Variants in DENND1B observed in about 807,000 individuals in gnomAD.
DENND1B encodes DENN domain-containing protein 1B.
DENND1B carries 59 observed loss-of-function variants against 90.1 expected under a neutral mutation model. The ratio of observed to expected loss-of-function variants is 0.65; its 90% CI spans 0.53 to 0.81. DENND1B has a LOEUF of 0.81. Among genes scored for constraint, DENND1B ranks in the 40% least tolerant of loss-of-function variants. The pLI is 0.00. For missense variants in DENND1B, 862 were observed against 912.6 expected (o/e 0.94, Z 0.71); for synonymous variants, 337 against 324.6 (o/e 1.04, Z -0.41).
At chr1:197,747,831 C>A (rs1484360172) in intron 2 of DENND1B, among the ~76,000 whole-genome samples, 1 of 152,230 alleles carries the variant, frequency 6.6e-6, no homozygotes, top group African/African-American at 2.4e-5. Flanking sequence ...ATTCACACCC[C>A]ACTCCTGTGA....
At chr1:197,704,986 T>A (rs1659386115) in intron 3 of DENND1B, among the ~76,000 whole-genome samples, 1 of 152,156 alleles carries the variant, frequency 6.6e-6, no homozygotes, top group South Asian at 2.1e-4. Context: ...TATAATACTA[T>A]CTCCTATTAG....
chr1:197,519,843 T>C (rs932854376), intron 20 of DENND1B, among the ~76,000 whole-genome samples: 3 of 151,844 alleles, frequency 2.0e-5, no homozygotes, highest in African/African-American at 7.3e-5. Flanking sequence ...GGGGCTTATG[T>C]TGGTACATGG....
chr1:197,595,357 A>G, intron 13 of DENND1B, 24 bp from the exon 14 acceptor site: 1 of 1,609,534 alleles, frequency 6.2e-7, no homozygotes, highest in Non-Finnish European at 8.5e-7. Flanking sequence ...AGGAACAGTT[A>G]AATTAACACC....
chr1:197,645,017 TA>T lies in DENND1B; in HGVS notation c.561+672del, dbSNP rs200715650. On this transcript the variant is annotated intron_variant, in intron 9 of 22. Transcript: ENST00000620048. ...ATAGTTATCCAAAATCATAAAAGCA[TA>T]TTTGTTACTTCTACTTGTCTATGTA... 8.4e-3 allele frequency among the ~76,000 whole-genome samples: 1,280 copies of T among 152,258 alleles called. 19 individuals carry two copies. Among genetic ancestry groups the T allele is most frequent in the African/African-American group, 0.028 (1,176 of 41,540 alleles).
intron 15 of DENND1B, among the ~76,000 whole-genome samples, chr1:197,572,463 C>T (rs950223968): frequency 7.2e-5 from 11 of 152,242 alleles, no homozygotes; most frequent in African/African-American, 2.4e-4. Context: ...CCTACTGCCT[C>T]TATAGACTCC....
intron 7 of DENND1B, among the ~76,000 whole-genome samples, chr1:197,649,292 G>C (rs937498028): frequency 6.6e-6 from 1 of 152,156 alleles, no homozygotes; most frequent in East Asian, 1.9e-4. Flanking sequence ...AGCTACGAAA[G>C]GTTTTCAGCA....
intron 15 of DENND1B, among the ~76,000 whole-genome samples, chr1:197,557,432 C>T (rs1000314853): frequency 1.3e-5 from 2 of 151,730 alleles, no homozygotes; most frequent in African/African-American, 2.4e-5. Context: ...GTCTAAAAAG[C>T]GATAAATCCC....
chr1:197,643,348 G>C (rs754686395), intron 9 of DENND1B, among the ~76,000 whole-genome samples: 10 of 152,006 alleles, frequency 6.6e-5, no homozygotes, highest in Non-Finnish European at 8.8e-5. Flanking sequence ...AGAGAGATGG[G>C]GTTTCACCAT....
intron 13 of DENND1B, 135 bp from the exon 14 acceptor site, chr1:197,595,468 T>C (rs1675601795): frequency 9.0e-7 from 1 of 1,112,468 alleles, no homozygotes. Context: ...GCTTATCTTT[T>C]TAACTGCAGA....
intron 14 of DENND1B, among the ~76,000 whole-genome samples, chr1:197,591,848 C>T (rs1048054575): frequency 1.3e-5 from 2 of 151,980 alleles, no homozygotes; most frequent in Non-Finnish European, 2.9e-5. Flanking sequence ...CGGTAGCTCA[C>T]GCCTGTAATC....
intron 5 of DENND1B, among the ~76,000 whole-genome samples, chr1:197,668,302 C>A (rs1655145304): frequency 6.6e-6 from 1 of 151,406 alleles, no homozygotes; most frequent in African/African-American, 2.4e-5. Context: ...ATGTGCCAGG[C>A]ACTATTGTAG....
At chr1:197,721,455 T>C (rs1402110159) in intron 2 of DENND1B, among the ~76,000 whole-genome samples, 1 of 152,080 alleles carries the variant, frequency 6.6e-6, no homozygotes, top group Non-Finnish European at 1.5e-5. Flanking sequence ...GCATGGACTA[T>C]GTATCTCTCA....
At chr1:197,530,714 A>C (rs1462247274) in intron 20 of DENND1B, among the ~76,000 whole-genome samples, 1 of 152,204 alleles carries the variant, frequency 6.6e-6, no homozygotes, top group Admixed American at 6.5e-5. Context: ...ATGATATGGT[A>C]ACCATAAACA....
intron 3 of DENND1B, among the ~76,000 whole-genome samples, chr1:197,695,277 C>T (rs1658314766): frequency 6.6e-6 from 1 of 150,796 alleles, no homozygotes; most frequent in African/African-American, 2.4e-5. Flanking sequence ...TCTGATTCAT[C>T]TTTTTTAGTC....
intron 3 of DENND1B, among the ~76,000 whole-genome samples, chr1:197,697,252 A>AT (rs891715747): frequency 1.6e-3 from 237 of 150,850 alleles, no homozygotes; most frequent in African/African-American, 5.4e-3. Context: ...ATAGCAGGGG[A>AT]TTTTTTTTTA....
Position 197,546,714 on chromosome 1 carries a change from T to C in DENND1B, c.1281+19A>G, listed in dbSNP as rs1456682865. Reference sequence around the variant, plus strand: ...TTTATATTAGAGTGAAAGAATAACATTTGAAAGCTTATGATTACCTTGACT... The same window carrying C: ...TTTATATTAGAGTGAAAGAATAACACTTGAAAGCTTATGATTACCTTGACT... On this transcript the variant is annotated intron_variant, in intron 17 of 22. Transcript: ENST00000620048. 3 of 1,540,260 alleles carry C rather than the reference T, an allele frequency of 1.9e-6. No homozygotes were observed. Among genetic ancestry groups the C allele is most frequent in the Non-Finnish European group, 1.7e-6 (2 of 1,142,926 alleles).
intron 13 of DENND1B, among the ~76,000 whole-genome samples, chr1:197,601,420 T>C (rs1052495238): frequency 6.6e-6 from 1 of 151,582 alleles, no homozygotes; most frequent in Non-Finnish European, 1.5e-5. Flanking sequence ...GTGCTCACAA[T>C]ATTACACACA....
intron 2 of DENND1B, among the ~76,000 whole-genome samples, chr1:197,743,492 G>C (rs1417783851): frequency 2.0e-5 from 3 of 152,096 alleles, no homozygotes; most frequent in Non-Finnish European, 4.4e-5. Flanking sequence ...TTTGGTGGAG[G>C]GTCTGCCTCA....
intron 12 of DENND1B, among the ~76,000 whole-genome samples, chr1:197,607,655 G>A (rs1016813813): frequency 4.0e-5 from 6 of 150,692 alleles, no homozygotes; most frequent in South Asian, 2.1e-4. Flanking sequence ...ATATGTTGGT[G>A]ATGAGGACTG....
Sources: allele counts gnomAD v4.1 joint callset (sites outside exome capture counted in the v4.1 genomes callset), GRCh38; gene constraint gnomAD v4.1.1; transcripts MANE v1.5; gene names NCBI Gene and HGNC (gene_info 2026-07-23, HGNC 2026-07-21).